The following RAI14 variants were observed in gnomAD, a reference collection of about 807,000 sequenced individuals.
RAI14 encodes ankycorbin.
Under a neutral mutation model 115.4 loss-of-function variants are expected in RAI14, and 45 were observed. That is an observed-to-expected ratio of 0.39 (90% CI 0.31 to 0.50). RAI14 has a LOEUF of 0.50. RAI14 is among the 20% of genes least tolerant of loss of function. The probability of loss-of-function intolerance (pLI) is 0.85; values close to 1 mark genes in which losing one functional copy is unlikely to be tolerated. For synonymous variants in RAI14, 371 were observed against 415.4 expected (o/e 0.89, Z 1.30); for missense variants, 939 against 1,131.2 (o/e 0.83, Z 2.44).
chr5:34,656,845 G>A (rs1468196667), intron 1 of RAI14: 1 of 152,404 alleles, frequency 6.6e-6, no homozygotes, highest in Admixed American at 6.5e-5. Flanking sequence ...AGCAGACCCG[G>A]AGATGCACCC....
chr5:34,754,449 T>C (rs190871278), intron 2 of RAI14, among the ~76,000 whole-genome samples: 1 of 152,022 alleles, frequency 6.6e-6, no homozygotes, highest in Admixed American at 6.6e-5. Flanking sequence ...TTGCCCAGAG[T>C]GGTCTCGAAC....
intron 4 of RAI14, among the ~76,000 whole-genome samples, chr5:34,797,894 G>C (rs16867557): frequency 0.016 from 2,469 of 152,238 alleles, 62 homozygotes; most frequent in African/African-American, 0.054. Context: ...GAATAAACTG[G>C]TGCCGTCACA....
At chr5:34,802,135 T>C (rs1377700426) in intron 4 of RAI14, among the ~76,000 whole-genome samples, 4 of 152,222 alleles carry the variant, frequency 2.6e-5, no homozygotes, top group African/African-American at 9.6e-5. Flanking sequence ...TTTGGCAATG[T>C]CTAGAGACAT....
intron 15 of RAI14, 183 bp from the exon 16 acceptor site, chr5:34,826,147 C>A: frequency 2.2e-6 from 1 of 459,112 alleles, no homozygotes; most frequent in Admixed American, 4.1e-5. Flanking sequence ...TGTTAGTTTG[C>A]CTGATTTTGT....
intron 1 of RAI14, among the ~76,000 whole-genome samples, chr5:34,678,105 T>C (rs964740110): frequency 5.3e-5 from 3 of 56,504 alleles, no homozygotes; most frequent in African/African-American, 1.1e-4. Flanking sequence ...TTTTGTTTTG[T>C]TTTTTTTTTT....
At chr5:34,768,476 T>A (rs533902443) in intron 3 of RAI14, among the ~76,000 whole-genome samples, 3 of 152,262 alleles carry the variant, frequency 2.0e-5, no homozygotes, top group South Asian at 2.1e-4. Context: ...ATGCTCTCAA[T>A]CACCCTGAAG....
rs1042408691 is a variant in RAI14 at position 34,827,862 on chromosome 5, T to A, written c.2799+1383T>A. Among the ~76,000 whole-genome samples the A allele has an allele frequency of 1.3e-4, 20 of 152,188 alleles. No individual in the cohort carries two copies. The highest frequency in any genetic ancestry group is 2.8e-4 in the Non-Finnish European group (19 of 68,040). On this transcript the variant is annotated intron_variant, in intron 16 of 17. Coordinates refer to ENST00000265109, the MANE Select transcript of RAI14 (RefSeq NM_015577.3). This position sits in a 1 kb window ranked among gnomAD's most constrained non-coding sequence, Gnocchi z 4.2. ...GCCCTCAAGGAGTTTATACTCTATATAAGTTATCAGCAAAGAGATGCCCAG... is the reference window on the plus strand; with the variant it reads ...GCCCTCAAGGAGTTTATACTCTATAAAAGTTATCAGCAAAGAGATGCCCAG...
chr5:34,705,582 A>G (rs1167427986), intron 2 of RAI14, among the ~76,000 whole-genome samples: 1 of 152,130 alleles, frequency 6.6e-6, no homozygotes, highest in Non-Finnish European at 1.5e-5. Context: ...GTGAGCCTTT[A>G]TACCCAGGAG....
At chr5:34,681,972 C>T (rs2149873865) in intron 1 of RAI14, among the ~76,000 whole-genome samples, 1 of 151,622 alleles carries the variant, frequency 6.6e-6, no homozygotes, top group East Asian at 1.9e-4. Context: ...TCTCCTGCCT[C>T]AGCCTCGGCA....
intron 2 of RAI14, chr5:34,688,143 G>C: frequency 6.5e-7 from 1 of 1,536,530 alleles, no homozygotes; most frequent in Non-Finnish European, 8.8e-7. Flanking sequence ...CAGAGTGAAA[G>C]TCCTGGTCAT....
chr5:34,768,969 A>G (rs1426584446), intron 3 of RAI14, among the ~76,000 whole-genome samples: 1 of 151,586 alleles, frequency 6.6e-6, no homozygotes, highest in Non-Finnish European at 1.5e-5. Context: ...AGCTTGGATG[A>G]CAGAGTGAGA....
chr5:34,687,445 C>A (rs1211278592), intron 2 of RAI14: 1 of 783,336 alleles, frequency 1.3e-6, no homozygotes, highest in Non-Finnish European at 1.8e-6. Context: ...TTCCTCCCCC[C>A]GAATTCCAGG....
rs758525722 is a variant in RAI14 at position 34,811,770 on chromosome 5, T to C, written c.561T>C (p.Thr187=). The change falls in exon 9 of 18, where the codon ACT becomes ACC. Residue 187 remains threonine (T), a synonymous_variant. Transcript: ENST00000265109. ...TTGTGTCTCTTTTTTCCTTTAGAAC[T>C]GCTCTCATGCTGGCCTGTGAGATTG... ...DVNSRNKSGR[T]ALMLACEIGS... 6.2e-7 allele frequency: 1 copy of C among 1,611,362 alleles called. No individual in the cohort carries two copies. The highest frequency in any genetic ancestry group is 8.5e-7 in the Non-Finnish European group (1 of 1,179,324).
intron 7 of RAI14, 58 bp from the exon 8 acceptor site, chr5:34,810,952 CTT>C: frequency 6.2e-7 from 1 of 1,607,082 alleles, no homozygotes; most frequent in Non-Finnish European, 8.5e-7. Context: ...CAGGGGCTGA[CTT>C]TTGCAATTCT....
chr5:34,666,128 C>A (rs879803870), intron 1 of RAI14, among the ~76,000 whole-genome samples: 1 of 152,196 alleles, frequency 6.6e-6, no homozygotes, highest in Non-Finnish European at 1.5e-5. Context: ...GCAGCAGTTT[C>A]CCAGTTTTGC....
At chr5:34,788,464 G>A (rs559432357) in intron 3 of RAI14, among the ~76,000 whole-genome samples, 1 of 152,182 alleles carries the variant, frequency 6.6e-6, no homozygotes, top group African/African-American at 2.4e-5. Context: ...GCTAAAAGCC[G>A]AGCTCCATAA....
chr5:34,723,235 T>C (rs906944057), intron 2 of RAI14, among the ~76,000 whole-genome samples: 1 of 151,882 alleles, frequency 6.6e-6, no homozygotes, highest in South Asian at 2.1e-4. Flanking sequence ...TATAGATGTG[T>C]ATATAGGATG....
intron 3 of RAI14, among the ~76,000 whole-genome samples, chr5:34,761,358 GGTTTT>G (rs961997194): frequency 7.9e-5 from 12 of 151,846 alleles, no homozygotes; most frequent in African/African-American, 2.4e-4. Context: ...AGCTAATTTT[GGTTTT>G]GTTTTGTTTT....
At chr5:34,717,334 A>G (rs1742120624) in intron 2 of RAI14, among the ~76,000 whole-genome samples, 1 of 152,256 alleles carries the variant, frequency 6.6e-6, no homozygotes, top group Non-Finnish European at 1.5e-5. Flanking sequence ...TGAACAGCTT[A>G]CAAGTAGAAA....
Sources: gnomAD v4.1 joint callset for allele counts (sites outside exome capture counted in the v4.1 genomes callset) on GRCh38, gnomAD v4.1.1 for gene constraint, Gnocchi (gnomAD v3.1) non-coding constraint, MANE v1.5 for transcripts, NCBI Gene and HGNC (gene_info 2026-07-23, HGNC 2026-07-21) for gene names.